The following KNL1 variants were observed in gnomAD, a reference collection of about 807,000 sequenced individuals.
KNL1 encodes outer kinetochore KNL1 complex subunit KNL1.
Under a neutral mutation model 201.3 loss-of-function variants are expected in KNL1, and 66 were observed. The observed-to-expected ratio is 0.33, with a 90% CI of 0.27 to 0.40. KNL1 has a LOEUF of 0.40. KNL1 is among the 10% of genes least tolerant of loss of function. The probability of loss-of-function intolerance (pLI) is 1.00; values close to 1 mark genes in which losing one functional copy is unlikely to be tolerated. For missense variants in KNL1, 2,815 were observed against 2,690.5 expected (o/e 1.05, Z -1.02); for synonymous variants, 895 against 899.2 (o/e 1.00, Z 0.08).
At position 40,657,345 on chromosome 15, in the gene KNL1, C is replaced by A; in HGVS notation, c.6595-10C>A. The A allele has an allele frequency of 6.6e-7, 1 of 1,525,646 alleles. No homozygotes were observed. The highest frequency in any genetic ancestry group is 9.1e-7 in the Non-Finnish European group (1 of 1,104,342). The allele number at this position is 1,525,646 out of a possible 1,614,324, so 94.5% of individuals were successfully genotyped here. The stretch of plus-strand genomic sequence containing the variant: ...TAATTTCACTGGATTTTTTTTCCCA[C>A]TTTTTCTAGATGCTTGAAGAATTCT... On this transcript the variant is annotated splice_polypyrimidine_tract_variant and intron_variant, in intron 23 of 25. Transcript: ENST00000399668.
At chr15:40,660,838 G>A (rs1893887524) in intron 25 of KNL1, among the ~76,000 whole-genome samples, 1 of 151,548 alleles carries the variant, frequency 6.6e-6, no homozygotes, top group African/African-American at 2.4e-5. Flanking sequence ...GTGTGGTGGT[G>A]AGTAGTCCCA....
chr15:40,625,791 A>G (rs1487028631), intron 10 of KNL1, 151 bp downstream of exon 10: 1 of 595,630 alleles, frequency 1.7e-6, no homozygotes, highest in Non-Finnish European at 2.9e-6. Flanking sequence ...ATTCTTATGT[A>G]GAACCTTCAG....
chr15:40,639,653 A>T (rs1436726031), intron 13 of KNL1, among the ~76,000 whole-genome samples: 1 of 151,900 alleles, frequency 6.6e-6, no homozygotes, highest in African/African-American at 2.4e-5. Flanking sequence ...ATGCACCTGT[A>T]GTCCCAGCTA....
In KNL1 at chr15:40,620,979, T is replaced by C. The variant is rs768374819; in HGVS notation, c.715T>C (p.Phe239Leu). The C allele has an allele frequency of 1.9e-6, 3 of 1,605,298 alleles. No individual in the cohort carries two copies. In the East Asian group the frequency reaches 6.7e-5, roughly 36 times the overall value. ...AFPDVPDKEN[F>L]EIPIYSKEPN... is the part of the protein sequence containing the mutation. ...TCCTGATGTGCCTGATAAAGAAAAT[T>C]TTGAGATACCTATTTATTCCAAGGA... Residue 239 changes from phenylalanine to leucine, a missense_variant, in exon 10 of 26, where the codon TTT becomes CTT. Coordinates refer to ENST00000399668, the MANE Select transcript of KNL1 (RefSeq NM_144508.5).
Position 40,624,447 on chromosome 15 carries a change from C to T in KNL1, c.4183C>T (p.Pro1395Ser). ...LHKDQDLIKD[P>S]RNLLANQTLV... The stretch of plus-strand genomic sequence containing the variant: ...CAAAGATCAAGATCTGATTAAGGAT[C>T]CACGAAATCTATTGGCTAATCAAAC... The change falls in exon 10 of 26, where the codon CCA becomes TCA. Residue 1395 changes from proline to serine, a missense_variant. Pro to Ser is a moderately conservative substitution (Grantham distance 74). Transcript: ENST00000399668. 1 of 1,613,782 alleles carries T rather than the reference C, an allele frequency of 6.2e-7. No homozygotes were observed. The highest frequency in any genetic ancestry group is 8.5e-7 in the Non-Finnish European group (1 of 1,179,832).
chr15:40,663,501 C>T lies in KNL1; in HGVS notation c.*1313C>T, dbSNP rs1390306632. ...AAATTCATTGAGGTATATAGATACT[C>T]ATCTGTCTAGGCAGTTCCCAATTTT... On this transcript the variant is annotated 3_prime_UTR_variant, in exon 26 of 26. Coordinates refer to ENST00000399668, the MANE Select transcript of KNL1 (RefSeq NM_144508.5). The T allele has an allele frequency of 5.3e-6, 1 of 189,502 alleles. No individual in the cohort carries two copies. Among genetic ancestry groups the T allele is most frequent in the Non-Finnish European group, 1.1e-5 (1 of 90,282 alleles). The allele number at this position is 189,502 out of a possible 1,614,324, so 11.7% of individuals were successfully genotyped here.
In KNL1 at chr15:40,624,576, T is replaced by G. The variant is rs1337537317; in HGVS notation, c.4312T>G (p.Tyr1438Asp). The G allele has an allele frequency of 6.2e-7, 1 of 1,613,926 alleles. No homozygotes were observed. The highest frequency in any genetic ancestry group is 1.7e-5 in the Admixed American group (1 of 60,016). Residue 1438 changes from tyrosine to aspartate, a missense_variant, in exon 10 of 26, where the codon TAT becomes GAT. By Grantham distance (160) the Tyr-to-Asp change is radical. Around this residue, in one of 3 missense-constraint regions of KNL1, gnomAD observed 2,464 missense variants for 2,291.7 expected, o/e 1.08. Transcript: ENST00000399668. ...DQMKVYVDDI[Y>D]VIPQPHFSTD... Reference sequence around the variant, plus strand: ...AATGAAAGTCTATGTTGATGACATTTATGTTATTCCTCAGCCTCATTTCTC... The same window carrying G: ...AATGAAAGTCTATGTTGATGACATTGATGTTATTCCTCAGCCTCATTTCTC...
At chr15:40,619,039 T>C in intron 9 of KNL1, 28 bp downstream of exon 9, 1 of 1,396,620 alleles carries the variant, frequency 7.2e-7, no homozygotes, top group Admixed American at 1.7e-5. Context: ...TACCTTCATA[T>C]TGTAATGTCA....
At chr15:40,661,407 G>T (rs1208919291) in intron 25 of KNL1, among the ~76,000 whole-genome samples, 2 of 151,984 alleles carry the variant, frequency 1.3e-5, no homozygotes, top group African/African-American at 4.8e-5. Flanking sequence ...TAGGAGAATT[G>T]CTTGCACCCA....
At position 40,622,993 on chromosome 15, in the gene KNL1, G is replaced by A; in HGVS notation, c.2729G>A (p.Arg910Lys). 6 of 1,613,928 alleles carry A rather than the reference G, an allele frequency of 3.7e-6. No homozygotes were observed. The highest frequency in any genetic ancestry group is 5.1e-6 in the Non-Finnish European group (6 of 1,179,856). ...TCTGAAACTATTTTATATACATGTA[G>A]GCAGGATGACATGGAGATCACTAGA... is the stretch of plus-strand genomic sequence containing the variant. ...GTSETILYTC[R>K]QDDMEITRSH... Residue 910 changes from arginine (R) to lysine (K), a missense_variant, in exon 10 of 26, where the codon AGG becomes AAG. Around this residue, in one of 3 missense-constraint regions of KNL1, gnomAD observed 2,464 missense variants for 2,291.7 expected, o/e 1.08. Transcript: ENST00000399668.
At position 40,642,859 on chromosome 15, in the gene KNL1, C is replaced by T. The variant is rs559630982; in HGVS notation, c.5798+1832C>T. On this transcript the variant is annotated intron_variant, in intron 14 of 25. Transcript: ENST00000399668. The stretch of plus-strand genomic sequence containing the variant: ...GCCAGGCTGGTCCTGAACTCCTGAC[C>T]TCAAGTGATCTACCCACCTCGGCCT... The T allele has an allele frequency of 2.0e-5, 3 of 152,268 alleles. No homozygotes were observed. The East Asian group carries it at 5.8e-4, about 29-fold the overall frequency. The allele number at this position is 152,268 out of a possible 1,614,324, so 9.4% of individuals were successfully genotyped here. A position where few individuals can be genotyped will look rare whatever the true frequency, so the allele number is the denominator to read the frequency against.
In KNL1 at chr15:40,623,267, A is replaced by G. The variant is rs748749791; in HGVS notation, c.3003A>G (p.Gly1001=). Residue 1001 remains glycine, a synonymous_variant, in exon 10 of 26, where the codon GGA becomes GGG. Transcript: ENST00000399668. ...TPTEESVFFP[G]NGESDRLVAN... The stretch of plus-strand genomic sequence containing the variant: ...CTGAGGAGAGTGTTTTCTTTCCAGG[A>G]AATGGTGAAAGTGACCGTCTAGTAG... 153 of 1,613,930 alleles carry G rather than the reference A, an allele frequency of 9.5e-5. No individual in the cohort carries two copies. Among genetic ancestry groups the G allele is most frequent in the Non-Finnish European group, 1.2e-4 (141 of 1,179,884 alleles).
intron 7 of KNL1, among the ~76,000 whole-genome samples, chr15:40,612,358 G>A (rs866245984): frequency 1.3e-5 from 2 of 150,218 alleles, no homozygotes; most frequent in Non-Finnish European, 3.0e-5. Context: ...AGGTATGGTG[G>A]CACTGTGCCT....
chr15:40,605,065 AT>A, intron 2 of KNL1, 44 bp from the exon 3 acceptor site: 9 of 1,032,250 alleles, frequency 8.7e-6, no homozygotes, highest in Non-Finnish European at 1.2e-5. Context: ...TTGTGAATTC[AT>A]TTTTTTAAAT....
chr15:40,608,803 CA>C, intron 4 of KNL1, 43 bp from the exon 5 acceptor site: 1 of 1,335,816 alleles, frequency 7.5e-7, no homozygotes, highest in Non-Finnish European at 1.1e-6. Context: ...ATGTAATTCA[CA>C]GTGATTTTAT....
chr15:40,628,480 G>A, intron 11 of KNL1, 131 bp from the exon 12 acceptor site: 14 of 693,154 alleles, frequency 2.0e-5, no homozygotes. Context: ...ACTTTGCCCT[G>A]CTACATGACT....
intron 13 of KNL1, among the ~76,000 whole-genome samples, chr15:40,636,191 A>G (rs1004138742): frequency 6.6e-6 from 1 of 152,196 alleles, no homozygotes; most frequent in African/African-American, 2.4e-5. Flanking sequence ...TCAGGTGCTG[A>G]TTATGTATAA....
chr15:40,620,125 T>G (rs966609587), intron 9 of KNL1, among the ~76,000 whole-genome samples: 1 of 152,146 alleles, frequency 6.6e-6, no homozygotes, highest in Non-Finnish European at 1.5e-5. Flanking sequence ...AGGATCTTAC[T>G]TTGTTACTCC....
chr15:40,599,902 C>T (rs1168496807), intron 1 of KNL1, among the ~76,000 whole-genome samples: 1 of 150,726 alleles, frequency 6.6e-6, no homozygotes, highest in East Asian at 2.0e-4. Context: ...CCTGGAACTC[C>T]AGGGTTCCAG....
Sources: allele counts gnomAD v4.1 joint callset (sites outside exome capture counted in the v4.1 genomes callset), GRCh38; gene constraint gnomAD v4.1.1; regional missense constraint gnomAD v4.1.1; transcripts MANE v1.5; gene names NCBI Gene and HGNC (gene_info 2026-07-23, HGNC 2026-07-21).